The following SGCZ variants were observed in gnomAD, a reference collection of about 807,000 sequenced individuals.
The protein encoded by SGCZ is sarcoglycan zeta.
A neutral mutation model predicts 41.3 loss-of-function variants in SGCZ; 40 were observed. The observed-to-expected ratio is 0.97, with a 90% CI of 0.75 to 1.26. SGCZ has a LOEUF of 1.26. SGCZ is among the 50% of genes most tolerant of loss of function. The pLI is 0.00. For missense variants in SGCZ, 552 were observed against 369.8 expected (o/e 1.49, Z -4.04); for synonymous variants, 206 against 137.5 (o/e 1.50, Z -3.49).
At chr8:14,402,466 T>A (rs1361822303) in intron 2 of SGCZ, among the ~76,000 whole-genome samples, 1 of 151,484 alleles carries the variant, frequency 6.6e-6, no homozygotes, top group African/African-American at 2.5e-5. Context: ...GATTTTTGTA[T>A]AAGGTGTAAG....
At chr8:14,441,968 G>A (rs536296336) in intron 2 of SGCZ, among the ~76,000 whole-genome samples, 27 of 152,266 alleles carry the variant, frequency 1.8e-4, no homozygotes, top group Non-Finnish European at 2.9e-4. Flanking sequence ...ATGTAACCAG[G>A]CCATTTCATA....
intron 3 of SGCZ, among the ~76,000 whole-genome samples, chr8:14,254,258 A>G (rs190010171): frequency 6.6e-6 from 1 of 152,338 alleles, no homozygotes; most frequent in Admixed American, 6.5e-5. Flanking sequence ...ATTGCCTGAT[A>G]AAAGAAAGCA....
At chr8:15,212,414 G>A (rs1585679497) in intron 1 of SGCZ, among the ~76,000 whole-genome samples, 1 of 152,040 alleles carries the variant, frequency 6.6e-6, no homozygotes, top group Non-Finnish European at 1.5e-5. Context: ...TAGGAGTTTA[G>A]ATTCTTATGT....
chr8:15,193,040 G>C (rs939023767), intron 1 of SGCZ, among the ~76,000 whole-genome samples: 3 of 152,006 alleles, frequency 2.0e-5, no homozygotes, highest in African/African-American at 7.3e-5. Flanking sequence ...CTTATAATTG[G>C]TGAATACTGG....
At chr8:14,239,943 C>T (rs12543343) in intron 3 of SGCZ, among the ~76,000 whole-genome samples, 128,925 of 134,336 alleles carry the variant, frequency 0.96, 61,904 homozygotes, top group East Asian at 0.98. Context: ...AAAAGAATTA[C>T]TGCCTTATTA....
At chr8:14,478,634 T>C (rs1045714753) in intron 2 of SGCZ, among the ~76,000 whole-genome samples, 3 of 152,042 alleles carry the variant, frequency 2.0e-5, no homozygotes, top group Non-Finnish European at 4.4e-5. Flanking sequence ...TTTTAAAAAA[T>C]GAAACTGAAA....
rs1273377612 is a variant in SGCZ at position 14,351,914 on chromosome 8, G to A, written c.235-27710C>T. On this transcript the variant is annotated intron_variant, in intron 2 of 7. Coordinates refer to ENST00000382080, the MANE Select transcript of SGCZ (RefSeq NM_139167.4). ...AAACCCATGCTTTTTATATGAACAC[G>A]GACACTTTGTTTAATTTCATTTTTC... 4.6e-5 allele frequency among the ~76,000 whole-genome samples: 7 copies of A among 151,898 alleles called. No homozygotes were observed. The East Asian group carries it at 5.8e-4, about 13-fold the overall frequency.
At chr8:14,899,804 G>A (rs988777135) in intron 1 of SGCZ, among the ~76,000 whole-genome samples, 1 of 151,898 alleles carries the variant, frequency 6.6e-6, no homozygotes, top group East Asian at 1.9e-4. Flanking sequence ...CAGGAAGGGA[G>A]AAAAGTGAAA....
At chr8:14,423,961 G>A (rs1023765372) in intron 2 of SGCZ, among the ~76,000 whole-genome samples, 2 of 151,912 alleles carry the variant, frequency 1.3e-5, no homozygotes, top group African/African-American at 2.4e-5. Flanking sequence ...TGCAAAAACA[G>A]AAGAACTAAA....
chr8:14,672,184 C>T (rs971845129), intron 1 of SGCZ, among the ~76,000 whole-genome samples: 1 of 152,154 alleles, frequency 6.6e-6, no homozygotes, highest in Non-Finnish European at 1.5e-5. Context: ...AACTATACCA[C>T]TCATCTGGCA....
At chr8:14,125,572 T>G (rs1802827786) in intron 5 of SGCZ, among the ~76,000 whole-genome samples, 1 of 151,662 alleles carries the variant, frequency 6.6e-6, no homozygotes, top group Non-Finnish European at 1.5e-5. Context: ...ATTTACAGAT[T>G]TAATGCTATT....
chr8:14,962,958 A>G (rs1245598651), intron 1 of SGCZ, among the ~76,000 whole-genome samples: 2 of 152,218 alleles, frequency 1.3e-5, no homozygotes, highest in African/African-American at 4.8e-5. Flanking sequence ...AGTAAAAAGT[A>G]GGTCTCCTCA....
At chr8:15,088,675 T>C (rs1806039632) in intron 1 of SGCZ, among the ~76,000 whole-genome samples, 1 of 152,054 alleles carries the variant, frequency 6.6e-6, no homozygotes, top group African/African-American at 2.4e-5. Context: ...CCCTTGCTGA[T>C]AAGACACCCT....
chr8:14,512,165 C>G (rs1368230974), intron 2 of SGCZ, among the ~76,000 whole-genome samples: 1 of 152,088 alleles, frequency 6.6e-6, no homozygotes, highest in South Asian at 2.1e-4. Context: ...GTACTGACCA[C>G]AGATAATCTG....
At chr8:14,614,850 A>T (rs1806045700) in intron 1 of SGCZ, among the ~76,000 whole-genome samples, 1 of 152,148 alleles carries the variant, frequency 6.6e-6, no homozygotes. Flanking sequence ...TAAAAACCAA[A>T]TTATATGTAA....
At chr8:14,423,480 A>C (rs1195678456) in intron 2 of SGCZ, among the ~76,000 whole-genome samples, 2 of 152,142 alleles carry the variant, frequency 1.3e-5, no homozygotes, top group East Asian at 3.9e-4. Context: ...GCAATGGTGC[A>C]ATGTCGACTC....
intron 1 of SGCZ, among the ~76,000 whole-genome samples, chr8:15,013,386 A>G (rs995749375): frequency 6.6e-6 from 1 of 152,194 alleles, no homozygotes; most frequent in Admixed American, 6.5e-5. Flanking sequence ...TATTCCCATG[A>G]ATTGAAGTGG....
intron 4 of SGCZ, among the ~76,000 whole-genome samples, chr8:14,222,464 G>A (rs996485626): frequency 1.3e-5 from 2 of 151,922 alleles, no homozygotes; most frequent in Admixed American, 6.6e-5. Flanking sequence ...CACCGTGCCC[G>A]GCCACTTCAG....
intron 2 of SGCZ, among the ~76,000 whole-genome samples, chr8:14,393,437 G>A (rs113316388): frequency 3.3e-5 from 5 of 152,138 alleles, no homozygotes; most frequent in African/African-American, 9.7e-5. Context: ...AAATGGCGCT[G>A]ATCAACTGGA....
Sources: gnomAD v4.1 joint callset for allele counts (sites outside exome capture counted in the v4.1 genomes callset) on GRCh38, gnomAD v4.1.1 for gene constraint, MANE v1.5 for transcripts, NCBI Gene and HGNC (gene_info 2026-07-23, HGNC 2026-07-21) for gene names.